Variants in GALNT14 observed in about 807,000 individuals in gnomAD.
GALNT14 encodes UDP-GalNAc:polypeptide N-acetylgalactosaminyltransferase 14.
A neutral mutation model predicts 77.5 loss-of-function variants in GALNT14; 60 were observed. That is an observed-to-expected ratio of 0.77 (90% confidence interval 0.63 to 0.96). The LOEUF (loss-of-function observed/expected upper bound fraction) is 0.96. Ranked by LOEUF, GALNT14 falls within the 40% of genes least tolerant of loss-of-function variation. The pLI is 0.00. For synonymous variants in GALNT14, 280 were observed against 281.7 expected (o/e 0.99, Z 0.06); for missense variants, 710 against 731.0 (o/e 0.97, Z 0.33).
intron 1 of GALNT14, among the ~76,000 whole-genome samples, chr2:31,036,140 A>G (rs1316737596): frequency 6.6e-6 from 1 of 152,216 alleles, no homozygotes; most frequent in Non-Finnish European, 1.5e-5. Flanking sequence ...CAATGTAATT[A>G]GTAATAAGGT....
intron 2 of GALNT14, among the ~76,000 whole-genome samples, chr2:30,980,621 T>C (rs889919800): frequency 1.4e-4 from 22 of 152,190 alleles, no homozygotes; most frequent in Non-Finnish European, 4.4e-5. Context: ...AGATGTTGTA[T>C]GTCAAAGCTC....
At chr2:31,039,126 T>C (rs1214896454) in intron 1 of GALNT14, among the ~76,000 whole-genome samples, 2 of 152,216 alleles carry the variant, frequency 1.3e-5, no homozygotes, top group African/African-American at 2.4e-5. Flanking sequence ...AAAATGATTT[T>C]GACAATTTTT....
chr2:30,924,152 A>C lies in GALNT14; in HGVS notation c.1347T>G (p.Cys449Trp), dbSNP rs867134487. Residue 449 changes from cysteine (C) to tryptophan (W), a missense_variant, in exon 13 of 15, where the codon TGT (cysteine) becomes TGG (tryptophan). Physicochemically the swap from Cys to Trp is radical, Grantham distance 215. Transcript: ENST00000349752. ...QETPNLKLSP[C>W]AKVKGEDAKS... ...TTGCATCTTCGCCTTTGACCTTGGC[A>C]CAGGGGCTCAACTTTAGGTTTGGGG... 6.2e-7 allele frequency: 1 copy of C among 1,614,182 alleles called. No individual in the cohort carries two copies. The highest frequency in any genetic ancestry group is 1.3e-5 in the African/African-American group (1 of 75,034).
the GALNT14 span, among the ~76,000 whole-genome samples, chr2:30,889,263 A>T: frequency 2.5e-3 from 388 of 152,382 alleles, 3 homozygotes; most frequent in African/African-American, 8.4e-3. Flanking sequence ...ACTAATGATC[A>T]GAAATTAAAA....
intron 1 of GALNT14, among the ~76,000 whole-genome samples, chr2:31,026,791 T>A (rs1031412290): frequency 6.6e-6 from 1 of 152,228 alleles, no homozygotes; most frequent in Non-Finnish European, 1.5e-5. Context: ...GTCATTGATG[T>A]CCTGCTCATA....
At chr2:31,090,054 G>A (rs936404032) in intron 1 of GALNT14, among the ~76,000 whole-genome samples, 1 of 152,134 alleles carries the variant, frequency 6.6e-6, no homozygotes, top group Non-Finnish European at 1.5e-5. Context: ...GTAAGGCAAG[G>A]GTGGGTGTCC....
intron 2 of GALNT14, among the ~76,000 whole-genome samples, chr2:30,972,674 C>A (rs1668428402): frequency 6.6e-6 from 1 of 152,208 alleles, no homozygotes; most frequent in Non-Finnish European, 1.5e-5. Flanking sequence ...CAGGACTGTT[C>A]CAATTGTGAC....
At chr2:31,035,151 T>C (rs906424306) in intron 1 of GALNT14, among the ~76,000 whole-genome samples, 1 of 152,212 alleles carries the variant, frequency 6.6e-6, no homozygotes, top group Non-Finnish European at 1.5e-5. Context: ...TATTACTATT[T>C]CCTTGTTCTT....
intron 1 of GALNT14, among the ~76,000 whole-genome samples, chr2:31,042,785 C>T (rs1573226907): frequency 1.3e-5 from 2 of 152,192 alleles, no homozygotes; most frequent in South Asian, 2.1e-4. Context: ...CAGCCTCCAC[C>T]GTCTCAGGCC....
At chr2:31,093,582 G>A (rs1229927663) in intron 1 of GALNT14, among the ~76,000 whole-genome samples, 1 of 152,202 alleles carries the variant, frequency 6.6e-6, no homozygotes, top group Non-Finnish European at 1.5e-5. Context: ...GGCATGGCAT[G>A]TCAACTTGCA....
chr2:31,047,520 C>T (rs1408567175), intron 1 of GALNT14, among the ~76,000 whole-genome samples: 2 of 152,196 alleles, frequency 1.3e-5, no homozygotes, highest in Non-Finnish European at 2.9e-5. Context: ...TTTCTGAGGA[C>T]CCTGTACTCT....
the GALNT14 span, among the ~76,000 whole-genome samples, chr2:30,890,369 C>G: frequency 6.6e-6 from 1 of 152,118 alleles, no homozygotes; most frequent in Non-Finnish European, 1.5e-5. Context: ...GCACTTAGTA[C>G]TCTTGAGGTC....
At chr2:31,129,103 C>G (rs1167622600) in intron 1 of GALNT14, among the ~76,000 whole-genome samples, 1 of 152,148 alleles carries the variant, frequency 6.6e-6, no homozygotes, top group Non-Finnish European at 1.5e-5. Flanking sequence ...TCTTCCCTGG[C>G]AAAGGAATCT....
At chr2:30,999,173 C>T (rs533569598) in intron 1 of GALNT14, among the ~76,000 whole-genome samples, 56 of 152,344 alleles carry the variant, frequency 3.7e-4, no homozygotes, top group African/African-American at 1.3e-3. Flanking sequence ...ATCCATCCAA[C>T]GTTGGAAGCT....
chr2:30,924,261 A>T lies in GALNT14; in HGVS notation c.1238T>A (p.Ile413Asn), dbSNP rs753677228. ...CTTCTGGATGGAGGACTCCTTGGGG[A>T]TGCTGGAGGAGAGTCACAGGGAGAG... ...YLENIYPELS[I>N]PKESSIQKGN... The change falls in exon 13 of 15, where the codon ATC becomes AAC. Residue 413 changes from isoleucine (I) to asparagine (N), a missense_variant and splice_region_variant. Ile to Asn is a moderately radical substitution (Grantham distance 149). Transcript: ENST00000349752. The T allele has an allele frequency of 1.9e-6, 3 of 1,614,056 alleles. No homozygotes were observed. In the Admixed American group the frequency reaches 5.0e-5, roughly 27 times the overall value.
downstream of GALNT14, among the ~76,000 whole-genome samples, chr2:30,907,623 C>G (rs570606739): frequency 1.3e-5 from 2 of 152,024 alleles, no homozygotes; most frequent in South Asian, 4.2e-4. Context: ...CTGAATTCTA[C>G]CAGAGGTACA....
At chr2:31,008,733 G>A (rs532446480) in intron 1 of GALNT14, among the ~76,000 whole-genome samples, 2 of 152,326 alleles carry the variant, frequency 1.3e-5, no homozygotes, top group Admixed American at 6.5e-5. Flanking sequence ...ATTTTAAAGC[G>A]GTTGTTAATG....
chr2:30,892,705 T>C, the GALNT14 span, among the ~76,000 whole-genome samples: 1 of 152,310 alleles, frequency 6.6e-6, no homozygotes, highest in Non-Finnish European at 1.5e-5. Flanking sequence ...ATGCTACCCA[T>C]TGTGTGGGTA....
At chr2:30,889,836 T>C in the GALNT14 span, among the ~76,000 whole-genome samples, 2 of 152,248 alleles carry the variant, frequency 1.3e-5, no homozygotes, top group African/African-American at 2.4e-5. Context: ...ATGGCTGTTT[T>C]CTATAATTTT....
Sources: allele counts gnomAD v4.1 joint callset (sites outside exome capture counted in the v4.1 genomes callset), GRCh38; gene constraint gnomAD v4.1.1; transcripts MANE v1.5; gene names NCBI Gene and HGNC (gene_info 2026-07-23, HGNC 2026-07-21).